ZNF721: variants seen among roughly 807,000 people sequenced by gnomAD.
The protein encoded by ZNF721 is zinc finger protein 721.
ZNF721 carries 2 observed loss-of-function variants against 2.4 expected under a neutral mutation model. The ratio of observed to expected loss-of-function variants is 0.82; its 90% CI spans 0.34 to 2.58. The LOEUF is 2.58. Ranked by LOEUF, ZNF721 falls within the 30% of genes most tolerant of loss-of-function variation. The probability of loss-of-function intolerance (pLI) is 0.11; values close to 1 mark genes in which losing one functional copy is unlikely to be tolerated. For synonymous variants in ZNF721, 398 were observed against 381.8 expected, an observed-to-expected ratio of 1.04 and a Z score of -0.50; for missense variants, 1,187 against 1,085.5, an observed-to-expected ratio of 1.09 and a Z score of -1.31.
At chr4:494,185 T>G (rs79405750) in intron 1 of ZNF721, among the ~76,000 whole-genome samples, 1 of 146,214 alleles carries the variant, frequency 6.8e-6, no homozygotes, top group South Asian at 2.1e-4. Context: ...AAGTACATCT[T>G]TTTTTTTTTT....
intron 1 of ZNF721, among the ~76,000 whole-genome samples, chr4:494,938 G>A (rs2108726092): frequency 6.8e-6 from 1 of 146,900 alleles, no homozygotes; most frequent in South Asian, 2.1e-4. Context: ...CGCCCAGGCT[G>A]GAGTGCAGTG....
chr4:495,840 G>C (rs1716138868), intron 1 of ZNF721, among the ~76,000 whole-genome samples: 2 of 152,126 alleles, frequency 1.3e-5, no homozygotes, highest in Non-Finnish European at 2.9e-5. Flanking sequence ...TTGACCTCAT[G>C]ATCTGCCCAC....
In ZNF721 at chr4:442,227, T is replaced by A. The variant is rs781946820; in HGVS notation, c.2240A>T (p.His747Leu). ...STNLNEYKKI[H>L]TGDKLYKCKE... ...ACATTTGTAGAGTTTATCTCCAGTATGAATTTTCTTATATTCGTTCAGGTT... is the reference window on the plus strand; with the variant it reads ...ACATTTGTAGAGTTTATCTCCAGTAAGAATTTTCTTATATTCGTTCAGGTT... Residue 747 changes from histidine to leucine, a missense_variant, in exon 3 of 3, where the codon CAT becomes CTT. Transcript: ENST00000511833. The A allele has an allele frequency of 3.1e-6, 5 of 1,613,006 alleles. No individual in the cohort carries two copies. The highest frequency in any genetic ancestry group is 3.4e-6 in the Non-Finnish European group (4 of 1,179,348).
rs1553863732 is a variant in ZNF721 at position 443,757 on chromosome 4, T to G, written c.710A>C (p.Asn237Thr). 7 of 1,613,944 alleles carry G rather than the reference T, an allele frequency of 4.3e-6. No homozygotes were observed. In the African/African-American group the frequency reaches 6.7e-5, roughly 15 times the overall value. The change falls in exon 3 of 3, where the codon AAT becomes ACT. Residue 237 changes from asparagine (N) to threonine (T), a missense_variant. Coordinates refer to ENST00000511833, the MANE Select transcript of ZNF721 (RefSeq NM_133474.4). Reference sequence around the variant, plus strand: ...TCCAGTATGAATTTTCTCATGTTTATTCAGGTGTGAGGAATGCATAAAGGC... The same window carrying G: ...TCCAGTATGAATTTTCTCATGTTTAGTCAGGTGTGAGGAATGCATAAAGGC... ...GKAFMHSSHLNKHEKIHTGEK... is the reference protein window; with the variant it reads ...GKAFMHSSHLTKHEKIHTGEK...
chr4:467,788 TCA>T (rs1553866955), intron 2 of ZNF721, among the ~76,000 whole-genome samples: 1 of 152,088 alleles, frequency 6.6e-6, no homozygotes, highest in African/African-American at 2.4e-5. Context: ...CCATTTGTAG[TCA>T]CAGTCCGTGG....
intron 2 of ZNF721, among the ~76,000 whole-genome samples, chr4:469,791 T>C (rs1553867305): frequency 6.6e-6 from 1 of 152,204 alleles, no homozygotes; most frequent in African/African-American, 2.4e-5. Flanking sequence ...TCAACGAATT[T>C]TGGCAAGGGG....
At position 443,469 on chromosome 4, in the gene ZNF721, T is replaced by C. The variant is rs782317326; in HGVS notation, c.998A>G (p.Tyr333Cys). ...HRRIHTGEKP[Y>C]TCGECGKTFR... Reference sequence around the variant, plus strand: ...GGTTTTGCCACATTCTCCACATGTGTAGGGTTTCTCTCCAGTATGAATTCT... The same window carrying C: ...GGTTTTGCCACATTCTCCACATGTGCAGGGTTTCTCTCCAGTATGAATTCT... Residue 333 changes from tyrosine (Y) to cysteine (C), a missense_variant, in exon 3 of 3, where the codon TAC becomes TGC. Tyr to Cys is a radical substitution (Grantham distance 194). Coordinates refer to ENST00000511833, the MANE Select transcript of ZNF721 (RefSeq NM_133474.4). 3 of 1,612,158 alleles carry C rather than the reference T, an allele frequency of 1.9e-6. No individual in the cohort carries two copies. In the South Asian group the frequency reaches 3.3e-5, roughly 18 times the overall value.
At chr4:470,956 T>C (rs1225827428) in intron 2 of ZNF721, among the ~76,000 whole-genome samples, 1 of 150,436 alleles carries the variant, frequency 6.6e-6, no homozygotes, top group African/African-American at 2.5e-5. Flanking sequence ...GCTGAGATCA[T>C]GCCACTGCAC....
Position 444,189 on chromosome 4 carries a change from A to C in ZNF721, c.278T>G (p.Phe93Cys). The C allele has an allele frequency of 6.2e-7, 1 of 1,613,814 alleles. No homozygotes were observed. Among genetic ancestry groups the C allele is most frequent in the South Asian group, 1.1e-5 (1 of 91,062 alleles). The change falls in exon 3 of 3, where the codon TTT (phenylalanine) becomes TGT (cysteine). Residue 93 changes from phenylalanine (F) to cysteine (C), a missense_variant. Physicochemically the swap from Phe to Cys is radical, Grantham distance 205. Coordinates refer to ENST00000511833, the MANE Select transcript of ZNF721 (RefSeq NM_133474.4). ...TGTCTTATCTTTGTTTGAATTTGCAAATTTACTAAAAACTTTGACACGTGC... is the reference window on the plus strand; with the variant it reads ...TGTCTTATCTTTGTTTGAATTTGCACATTTACTAAAAACTTTGACACGTGC... ...CNARVKVFSK[F>C]ANSNKDKTRH...
chr4:460,549 A>G (rs1715030070), intron 2 of ZNF721, among the ~76,000 whole-genome samples: 1 of 151,960 alleles, frequency 6.6e-6, no homozygotes, highest in Admixed American at 6.6e-5. Flanking sequence ...GTGCAAACAA[A>G]TTCAAAAGCT....
intron 2 of ZNF721, among the ~76,000 whole-genome samples, chr4:457,763 A>T (rs558028295): frequency 9.2e-5 from 14 of 152,148 alleles, no homozygotes; most frequent in South Asian, 2.1e-4. Context: ...ATGCAACCAA[A>T]GTCCGGAAGA....
chr4:467,616 C>T (rs1348476079), intron 2 of ZNF721, among the ~76,000 whole-genome samples: 15 of 152,196 alleles, frequency 9.9e-5, no homozygotes, highest in African/African-American at 3.6e-4. Context: ...CTTGGTCTTA[C>T]TGAGGATTAT....
chr4:486,636 T>C (rs1328272710), intron 1 of ZNF721, among the ~76,000 whole-genome samples: 6 of 152,182 alleles, frequency 3.9e-5, no homozygotes, highest in Non-Finnish European at 7.3e-5. Context: ...CAAAAGTTGA[T>C]TCAGGAACAG....
chr4:442,737 C>G lies in ZNF721; in HGVS notation c.1730G>C (p.Arg577Thr). The G allele has an allele frequency of 6.2e-7, 1 of 1,613,970 alleles. No homozygotes were observed. The highest frequency in any genetic ancestry group is 8.5e-7 in the Non-Finnish European group (1 of 1,179,982). The change falls in exon 3 of 3, where the codon AGA becomes ACA. Residue 577 changes from arginine to threonine, a missense_variant. Coordinates refer to ENST00000511833, the MANE Select transcript of ZNF721 (RefSeq NM_133474.4). ...RQSANLYVHR[R>T]IHTGEKPYKC... ...GTAAGGTTTCTCTCCAGTATGAATT[C>G]TCCTATGTACATAAAGGTTTGCGGA...
chr4:491,876 C>G (rs1716030026), intron 1 of ZNF721, among the ~76,000 whole-genome samples: 1 of 151,916 alleles, frequency 6.6e-6, no homozygotes, highest in Admixed American at 6.6e-5. Flanking sequence ...AAAATTAGGC[C>G]AGATGCAGTG....
chr4:441,840 T>A lies in ZNF721; in HGVS notation c.2627A>T (p.Gln876Leu). The part of the protein sequence containing the change: ...TCGECGKTFR[Q>L]SANLYAHKKI... ...CTTATGCGCATAAAGATTTGCAGAC[T>A]GTCTAAAGGTTTTGCCACATTCTCC... is the stretch of plus-strand genomic sequence containing the variant. The change falls in exon 3 of 3, where the codon CAG becomes CTG. Residue 876 changes from glutamine (Q) to leucine (L), a missense_variant. Gln to Leu is a moderately radical substitution (Grantham distance 113). Coordinates refer to ENST00000511833, the MANE Select transcript of ZNF721 (RefSeq NM_133474.4). 1 of 1,614,056 alleles carries A rather than the reference T, an allele frequency of 6.2e-7. No individual in the cohort carries two copies. Among genetic ancestry groups the A allele is most frequent in the Non-Finnish European group, 8.5e-7 (1 of 1,179,998 alleles).
Position 472,688 on chromosome 4 carries a change from A to T in ZNF721, c.-80T>A. 1 of 1,612,578 alleles carries T rather than the reference A, an allele frequency of 6.2e-7. No individual in the cohort carries two copies. Among genetic ancestry groups the T allele is most frequent in the Non-Finnish European group, 8.5e-7 (1 of 1,179,750 alleles). ...AGAGAATTCTATGGCCACATCCCTG[A>T]ATGTTAAGGGTTCCTGAAAATACAT... On this transcript the variant is annotated 5_prime_UTR_variant, in exon 2 of 3. Transcript: ENST00000511833.
At chr4:475,868 G>A in intron 1 of ZNF721, among the ~76,000 whole-genome samples, 1 of 151,158 alleles carries the variant, frequency 6.6e-6, no homozygotes, top group East Asian at 2.0e-4. Flanking sequence ...ACCGTTTTAA[G>A]CCCCTTGTTC....
chr4:448,649 A>C (rs1553864469), intron 2 of ZNF721, among the ~76,000 whole-genome samples: 1 of 152,228 alleles, frequency 6.6e-6, no homozygotes, highest in Non-Finnish European at 1.5e-5. Context: ...AATCTTCAAA[A>C]AGAGAAGCAA....
Sources: gnomAD v4.1 joint callset for allele counts (sites outside exome capture counted in the v4.1 genomes callset) on GRCh38, gnomAD v4.1.1 for gene constraint, MANE v1.5 for transcripts, NCBI Gene and HGNC (gene_info 2026-07-23, HGNC 2026-07-21) for gene names.